The following RNGTT variants were observed in gnomAD, a reference collection of about 807,000 sequenced individuals.
RNGTT encodes RNA guanylyltransferase and 5'-phosphatase, also known as mRNA-capping enzyme.
Under a neutral mutation model 79.3 loss-of-function variants are expected in RNGTT, and 33 were observed. The ratio of observed to expected loss-of-function variants is 0.42; its 90% confidence interval spans 0.32 to 0.56. RNGTT has a LOEUF of 0.56. Among genes scored for constraint, RNGTT ranks in the 20% least tolerant of loss-of-function variants. The pLI is 0.17. For synonymous variants in RNGTT, 222 were observed against 235.9 expected (o/e 0.94, Z 0.54); for missense variants, 497 against 739.1 (o/e 0.67, Z 3.80).
intron 13 of RNGTT, among the ~76,000 whole-genome samples, chr6:88,731,531 T>G (rs540884787): frequency 6.1e-4 from 92 of 152,058 alleles, no homozygotes; most frequent in Non-Finnish European, 1.1e-3. Context: ...AAGAACAAAT[T>G]GTTAATGTCA....
intron 13 of RNGTT, among the ~76,000 whole-genome samples, chr6:88,739,732 T>TATAC: frequency 6.6e-5 from 1 of 15,112 alleles, no homozygotes; most frequent in Non-Finnish European, 1.6e-4. Flanking sequence ...AAATTATATA[T>TATAC]ATATATATAT....
chr6:88,655,193 A>G (rs1387477444), intron 14 of RNGTT, among the ~76,000 whole-genome samples: 1 of 152,244 alleles, frequency 6.6e-6, no homozygotes, highest in African/African-American at 2.4e-5. Flanking sequence ...TAATAGAAAG[A>G]TTCCAAATAA....
chr6:88,836,011 CACACACACACACAT>C (rs1307524575), intron 11 of RNGTT, among the ~76,000 whole-genome samples: 8 of 121,824 alleles, frequency 6.6e-5, no homozygotes, highest in South Asian at 2.5e-4. Flanking sequence ...CACACACACA[CACACACACACACAT>C]ATATATATAA....
intron 13 of RNGTT, among the ~76,000 whole-genome samples, chr6:88,768,061 G>C (rs1778524205): frequency 1.3e-5 from 2 of 151,910 alleles, no homozygotes; most frequent in Non-Finnish European, 2.9e-5. Flanking sequence ...ATATATTCTT[G>C]GGGGTTCCAG....
intron 13 of RNGTT, among the ~76,000 whole-genome samples, chr6:88,747,331 T>A (rs1562231353): frequency 6.6e-6 from 1 of 152,152 alleles, no homozygotes; most frequent in African/African-American, 2.4e-5. Flanking sequence ...AAACCACTCA[T>A]CCCACATTCT....
intron 12 of RNGTT, among the ~76,000 whole-genome samples, chr6:88,799,986 G>A (rs1179717394): frequency 2.6e-5 from 4 of 151,936 alleles, no homozygotes; most frequent in African/African-American, 2.4e-5. Flanking sequence ...TTCCATTTCC[G>A]TCCCTAACCT....
chr6:88,732,013 T>C (rs1377803177), intron 13 of RNGTT, among the ~76,000 whole-genome samples: 1 of 152,152 alleles, frequency 6.6e-6, no homozygotes, highest in Non-Finnish European at 1.5e-5. Flanking sequence ...ATAAAGGTCT[T>C]CATCCTCATC....
At chr6:88,628,832 T>C (rs1295948042) in intron 14 of RNGTT, among the ~76,000 whole-genome samples, 7 of 152,178 alleles carry the variant, frequency 4.6e-5, no homozygotes, top group Non-Finnish European at 1.0e-4. Flanking sequence ...AATTTTATTA[T>C]TGTTTACTCC....
At chr6:88,791,664 T>C (rs893881127) in intron 12 of RNGTT, among the ~76,000 whole-genome samples, 5 of 152,186 alleles carry the variant, frequency 3.3e-5, no homozygotes, top group Admixed American at 2.6e-4. Flanking sequence ...CTCAGCCTCC[T>C]GAGTAGCTGG....
chr6:88,706,621 C>A (rs1226037426), intron 13 of RNGTT, among the ~76,000 whole-genome samples: 1 of 151,974 alleles, frequency 6.6e-6, no homozygotes, highest in African/African-American at 2.4e-5. Context: ...TACTGTAATA[C>A]CTGAAAATGG....
At chr6:88,793,407 TAAATA>T (rs1235484923) in intron 12 of RNGTT, among the ~76,000 whole-genome samples, 2 of 152,206 alleles carry the variant, frequency 1.3e-5, no homozygotes, top group African/African-American at 2.4e-5. Flanking sequence ...GAATCTGTTA[TAAATA>T]AAATAAATCT....
chr6:88,911,421 G>C (rs923183818), intron 4 of RNGTT, among the ~76,000 whole-genome samples: 6 of 152,170 alleles, frequency 3.9e-5, no homozygotes, highest in African/African-American at 1.4e-4. Flanking sequence ...AATTCAACAA[G>C]AAGACTTAAC....
At chr6:88,929,672 C>G (rs1042978060) in intron 2 of RNGTT, among the ~76,000 whole-genome samples, 8 of 152,028 alleles carry the variant, frequency 5.3e-5, no homozygotes, top group African/African-American at 1.7e-4. Context: ...AACTCAAGCT[C>G]TCGGCACAAA....
chr6:88,843,835 C>T (rs1188463280), intron 11 of RNGTT, among the ~76,000 whole-genome samples: 3 of 150,890 alleles, frequency 2.0e-5, no homozygotes, highest in Admixed American at 6.6e-5. Context: ...GGATTACAGG[C>T]ATGAGCCACC....
chr6:88,908,686 A>T (rs2127944496), intron 4 of RNGTT, among the ~76,000 whole-genome samples: 1 of 152,298 alleles, frequency 6.6e-6, no homozygotes, highest in South Asian at 2.1e-4. Context: ...GTGCAGCTGC[A>T]GCAAAACACC....
chr6:88,632,723 A>G (rs1221368208), intron 14 of RNGTT, among the ~76,000 whole-genome samples: 2 of 152,146 alleles, frequency 1.3e-5, no homozygotes, highest in African/African-American at 4.8e-5. Flanking sequence ...CAGGGGGGAA[A>G]AAAATCTCAC....
intron 11 of RNGTT, among the ~76,000 whole-genome samples, chr6:88,838,244 A>G (rs757656554): frequency 3.9e-5 from 6 of 152,168 alleles, no homozygotes; most frequent in Non-Finnish European, 8.8e-5. Context: ...TCCATACAAC[A>G]TTAAACAATA....
At chr6:88,838,026 C>T (rs2127895283) in intron 11 of RNGTT, among the ~76,000 whole-genome samples, 1 of 152,076 alleles carries the variant, frequency 6.6e-6, no homozygotes, top group Admixed American at 6.5e-5. Context: ...AAAAAAATTG[C>T]AAAATTATTG....
chr6:88,847,476 G>A (rs561514014), intron 10 of RNGTT, among the ~76,000 whole-genome samples: 4 of 152,112 alleles, frequency 2.6e-5, no homozygotes, highest in Admixed American at 6.6e-5. Flanking sequence ...CTGATTTGGT[G>A]ATACAAAATA....
Sources: gnomAD v4.1 joint callset for allele counts (sites outside exome capture counted in the v4.1 genomes callset) on GRCh38, gnomAD v4.1.1 for gene constraint, MANE v1.5 for transcripts, NCBI Gene and HGNC (gene_info 2026-07-23, HGNC 2026-07-21) for gene names.